NCAPD3: variants seen among roughly 807,000 people sequenced by gnomAD.
NCAPD3 encodes the protein condensin-2 complex subunit D3.
A neutral mutation model predicts 182.9 loss-of-function variants in NCAPD3; 105 were observed. The observed-to-expected ratio is 0.57, with a 90% CI of 0.49 to 0.68. NCAPD3 has a LOEUF of 0.68. Among genes scored for constraint, NCAPD3 ranks in the 30% least tolerant of loss-of-function variants. The pLI, the probability that NCAPD3 is intolerant of heterozygous loss-of-function variation, is 0.00. For missense variants in NCAPD3, 1,944 were observed against 1,837.0 expected (o/e 1.06, Z -1.07); for synonymous variants, 815 against 679.9 (o/e 1.20, Z -3.09).
intron 4 of NCAPD3, 69 bp from the exon 5 acceptor site, chr11:134,209,546 T>C: frequency 1.4e-6 from 2 of 1,454,438 alleles, no homozygotes. Context: ...GTTTTCAATT[T>C]ACCCAAACCA....
At chr11:134,161,017 T>C (rs1943563087) in intron 28 of NCAPD3, among the ~76,000 whole-genome samples, 1 of 152,170 alleles carries the variant, frequency 6.6e-6, no homozygotes, top group African/African-American at 2.4e-5. Context: ...TTTTTATTTT[T>C]ATCATACAAT....
At chr11:134,176,471 G>A (rs1025179621) in intron 23 of NCAPD3, 85 bp from the exon 24 acceptor site, 54 of 1,146,486 alleles carry the variant, frequency 4.7e-5, no homozygotes, top group Non-Finnish European at 6.2e-5. Flanking sequence ...CCCACCACGC[G>A]GTCTGTCCCC....
rs373013038 is a variant in NCAPD3, at chr11:134,153,209, G to C, written c.4328-9C>G. On this transcript the variant is annotated splice_polypyrimidine_tract_variant and intron_variant, in intron 33 of 34. Coordinates refer to ENST00000534548, the MANE Select transcript of NCAPD3 (RefSeq NM_015261.3). ...CCGGCCTTCAATTTTCTCTAAAAGG[G>C]AGTCAAACAAACACATTCAGCTTTC... The C allele has an allele frequency of 6.2e-7, 1 of 1,613,934 alleles. No homozygotes were observed. Among genetic ancestry groups the C allele is most frequent in the Admixed American group, 1.7e-5 (1 of 60,004 alleles).
intron 32 of NCAPD3, chr11:134,154,092 CTCT>C (rs1358966799): frequency 6.6e-6 from 1 of 152,526 alleles, no homozygotes; most frequent in Non-Finnish European, 1.5e-5. Flanking sequence ...GTTTCTTCAT[CTCT>C]TAAGTGGGTA....
intron 13 of NCAPD3, among the ~76,000 whole-genome samples, chr11:134,196,645 C>CAAAAAAA (rs998502328): frequency 3.5e-5 from 2 of 57,880 alleles, no homozygotes; most frequent in Admixed American, 1.8e-4. Context: ...AACTCCATCT[C>CAAAAAAA]AAAAAAAAAA....
rs745512864 is a variant in NCAPD3 at position 134,167,992 on chromosome 11, T to C, written c.3573+4A>G. On this transcript the variant is annotated splice_donor_region_variant and intron_variant, in intron 27 of 34. Transcript: ENST00000534548. ...AGATGATCTTAGGGGAGCAACACAC[T>C]CACTTGTGAGATGAGCTTCTTCTGA... 6.2e-7 allele frequency: 1 copy of C among 1,613,340 alleles called. No homozygotes were observed. The highest frequency in any genetic ancestry group is 1.1e-5 in the South Asian group (1 of 91,060).
intron 16 of NCAPD3, among the ~76,000 whole-genome samples, chr11:134,189,446 T>C (rs1565542519): frequency 6.6e-6 from 1 of 152,222 alleles, no homozygotes; most frequent in South Asian, 2.1e-4. Context: ...AAGTACTCCA[T>C]TAAATGCATT....
chr11:134,167,985 AAC>A lies in NCAPD3; in HGVS notation c.3573+9_3573+10del. 2.5e-6 allele frequency: 4 copies of A among 1,612,608 alleles called. No homozygotes were observed. The Middle Eastern group carries it at 6.6e-4, about 266-fold the overall frequency. ...TGTGAGAAGATGATCTTAGGGGAGC[AAC>A]ACACTCACTTGTGAGATGAGCTTCT... On this transcript the variant is annotated intron_variant, in intron 27 of 34. Transcript: ENST00000534548.
chr11:134,170,371 A>G (rs1943978105), intron 24 of NCAPD3, among the ~76,000 whole-genome samples: 1 of 152,252 alleles, frequency 6.6e-6, no homozygotes, highest in South Asian at 2.1e-4. Context: ...TTTGAAAGGC[A>G]AAGGTCACAG....
At chr11:134,167,183 ACT>A (rs756814147) in intron 27 of NCAPD3, among the ~76,000 whole-genome samples, 12 of 128,572 alleles carry the variant, frequency 9.3e-5, no homozygotes, top group African/African-American at 3.7e-4. Context: ...GGAGGCGCAC[ACT>A]CGTGAGATGA....
chr11:134,155,595 TG>T (rs2120498313), intron 32 of NCAPD3, among the ~76,000 whole-genome samples: 1 of 152,234 alleles, frequency 6.6e-6, no homozygotes, highest in African/African-American at 2.4e-5. Flanking sequence ...GGCTGCCCTG[TG>T]GAGAAACACG....
Position 134,185,475 on chromosome 11 carries a change from T to C in NCAPD3, c.2097A>G (p.Ser699=). The change falls in exon 17 of 35, where the codon TCA becomes TCG. Residue 699 remains serine (S), a synonymous_variant. Coordinates refer to ENST00000534548, the MANE Select transcript of NCAPD3 (RefSeq NM_015261.3). The part of the protein sequence containing the change: ...FHIWSKKEKF[S]PTFINNVISH... ...ATATTACATTGTTTATAAAAGTGGG[T>C]GAGAATTTTTCTTTCTTGGACCAGA... is the stretch of plus-strand genomic sequence containing the variant. 1 of 1,612,518 alleles carries C rather than the reference T, an allele frequency of 6.2e-7. No homozygotes were observed. Among genetic ancestry groups the C allele is most frequent in the Non-Finnish European group, 8.5e-7 (1 of 1,179,354 alleles).
At chr11:134,206,347 C>T (rs1366467265) in intron 8 of NCAPD3, among the ~76,000 whole-genome samples, 2 of 152,176 alleles carry the variant, frequency 1.3e-5, no homozygotes, top group Admixed American at 6.5e-5. Flanking sequence ...ACATATTGAG[C>T]GCAAACAAGC....
At chr11:134,153,469 G>T in intron 32 of NCAPD3, 106 bp from the exon 33 acceptor site, 1 of 1,190,546 alleles carries the variant, frequency 8.4e-7, no homozygotes, top group Non-Finnish European at 1.3e-6. Flanking sequence ...CAGTGTCCCA[G>T]CGGCGGCCCT....
Position 134,158,448 on chromosome 11 carries a change from G to C in NCAPD3, c.3915C>G (p.Asn1305Lys), listed in dbSNP as rs780534575. The change falls in exon 30 of 35, where the codon AAC becomes AAG. Residue 1305 changes from asparagine to lysine, a missense_variant. Around this residue, in one of 3 missense-constraint regions of NCAPD3, gnomAD observed 1,803 missense variants for 1,674.6 expected, o/e 1.08. Transcript: ENST00000534548. ...GGCTCACGGCAGGTGACATGGCAGG[G>C]TTTTCTTGGCCAGCAGGAACTGGCA... ...ETVPVPAGQE[N>K]PAMSPAVSQP... 2 of 1,614,214 alleles carry C rather than the reference G, an allele frequency of 1.2e-6. No individual in the cohort carries two copies. Among genetic ancestry groups the C allele is most frequent in the Admixed American group, 3.3e-5 (2 of 60,032 alleles).
rs77593996 is a variant in NCAPD3, at chr11:134,189,007, G to A, written c.2046-3481C>T. Among the ~76,000 whole-genome samples the A allele has an allele frequency of 3.1e-4, 47 of 152,244 alleles. No homozygotes were observed. The East Asian group carries it at 8.3e-3, about 27-fold the overall frequency. ...GAGAAAATAAATTTCTGTTGTTCAA[G>A]CCACCTACTCTGTGGTGTTTTGTTA... On this transcript the variant is annotated intron_variant, in intron 16 of 34. Coordinates refer to ENST00000534548, the MANE Select transcript of NCAPD3 (RefSeq NM_015261.3).
chr11:134,183,471 G>A (rs1464192291), intron 19 of NCAPD3, among the ~76,000 whole-genome samples: 1 of 152,178 alleles, frequency 6.6e-6, no homozygotes, highest in Non-Finnish European at 1.5e-5. Flanking sequence ...GGGAGGCTGA[G>A]GCACGAGAAT....
intron 31 of NCAPD3, among the ~76,000 whole-genome samples, chr11:134,157,585 TCTA>T (rs1457753502): frequency 1.3e-5 from 2 of 152,180 alleles, no homozygotes; most frequent in Admixed American, 6.5e-5. Flanking sequence ...GTCTACTACA[TCTA>T]CTACATCTGA....
chr11:134,209,310 T>C lies in NCAPD3; in HGVS notation c.732+3A>G. The C allele has an allele frequency of 6.2e-7, 1 of 1,610,326 alleles. No homozygotes were observed. The highest frequency in any genetic ancestry group is 8.5e-7 in the Non-Finnish European group (1 of 1,178,914). ...CCCTAAGGTTCCTGGAATTTTCACT[T>C]ACCTCTATACAATTCTGTACACATT... On this transcript the variant is annotated splice_donor_region_variant and intron_variant, in intron 5 of 34. Transcript: ENST00000534548.
Sources: gnomAD v4.1 joint callset for allele counts (sites outside exome capture counted in the v4.1 genomes callset) on GRCh38, gnomAD v4.1.1 for gene constraint, gnomAD v4.1.1 regional missense constraint, MANE v1.5 for transcripts, NCBI Gene and HGNC (gene_info 2026-07-23, HGNC 2026-07-21) for gene names.